CAMK4: variants seen among roughly 807,000 people sequenced by gnomAD.
CAMK4 encodes the protein calcium/calmodulin-dependent protein kinase type IV.
In CAMK4, 22 loss-of-function variants were observed where a neutral mutation model predicts 44.9. The ratio of observed to expected loss-of-function variants is 0.49; its 90% CI spans 0.35 to 0.70. The LOEUF is 0.70. CAMK4 is among the 30% of genes least tolerant of loss of function. The probability of loss-of-function intolerance (pLI) is 0.01; values close to 1 mark genes in which losing one functional copy is unlikely to be tolerated. For missense variants in CAMK4, 498 were observed against 586.8 expected (o/e 0.85, Z 1.56); for synonymous variants, 218 against 215.4 (o/e 1.01, Z -0.11).
At chr5:111,282,544 G>C (rs1314020220) in intron 1 of CAMK4, among the ~76,000 whole-genome samples, 1 of 151,904 alleles carries the variant, frequency 6.6e-6, no homozygotes, top group East Asian at 1.9e-4. Flanking sequence ...CCTCCTCCTG[G>C]ATCAAATTAA....
At position 111,486,448 on chromosome 5, in the gene CAMK4, A is replaced by G. The variant is rs942781740; in HGVS notation, c.*1982A>G. 1.1e-4 allele frequency: 16 copies of G among 151,506 alleles called. No homozygotes were observed. Among genetic ancestry groups the G allele is most frequent in the African/African-American group, 3.9e-4 (16 of 41,168 alleles). The allele number at this position is 151,506 out of a possible 1,614,324, so 9.4% of individuals were successfully genotyped here. A position where few individuals can be genotyped will look rare whatever the true frequency, so the allele number is the denominator to read the frequency against. On this transcript the variant is annotated 3_prime_UTR_variant, in exon 11 of 11. Transcript: ENST00000282356. ...AATGTCTTCTTTGTTAAGCATTAAG[A>G]TTTCCATTTAAGAGGATCAATTTCC... is the stretch of plus-strand genomic sequence containing the variant.
chr5:111,461,715 C>T (rs1016874625), intron 7 of CAMK4, among the ~76,000 whole-genome samples: 1 of 150,100 alleles, frequency 6.7e-6, no homozygotes. Flanking sequence ...TCCTCCTTCC[C>T]AGAGGCACAG....
intron 7 of CAMK4, among the ~76,000 whole-genome samples, chr5:111,472,538 A>G (rs536334174): frequency 6.6e-6 from 1 of 152,354 alleles, no homozygotes; most frequent in African/African-American, 2.4e-5. Flanking sequence ...GCCTGGATCC[A>G]GTTAATTACC....
intron 5 of CAMK4, among the ~76,000 whole-genome samples, chr5:111,419,225 G>C (rs75113588): frequency 0.35 from 52,354 of 151,626 alleles, 9,790 homozygotes; most frequent in Middle Eastern, 0.48. Flanking sequence ...GTGTCTTTTG[G>C]CTGCATAAAT....
chr5:111,445,183 T>C (rs1753981478), intron 5 of CAMK4, among the ~76,000 whole-genome samples: 1 of 152,180 alleles, frequency 6.6e-6, no homozygotes, highest in Non-Finnish European at 1.5e-5. Context: ...TTTTTAAAAA[T>C]TGAAAACAAC....
At chr5:111,280,245 A>G (rs1436493369) in intron 1 of CAMK4, among the ~76,000 whole-genome samples, 1 of 151,710 alleles carries the variant, frequency 6.6e-6, no homozygotes, top group Non-Finnish European at 1.5e-5. Flanking sequence ...GAAAAATATC[A>G]GGCTATAGTG....
chr5:111,330,399 A>T (rs951572533), intron 1 of CAMK4, among the ~76,000 whole-genome samples: 1 of 151,716 alleles, frequency 6.6e-6, no homozygotes, highest in African/African-American at 2.4e-5. Context: ...CAACATTAAG[A>T]TGTCAGTTCT....
At chr5:111,469,480 G>A (rs1432063412) in intron 7 of CAMK4, among the ~76,000 whole-genome samples, 5 of 151,992 alleles carry the variant, frequency 3.3e-5, no homozygotes, top group Non-Finnish European at 5.9e-5. Context: ...CCAGTGCTGC[G>A]ACAGATCAGA....
intron 5 of CAMK4, among the ~76,000 whole-genome samples, chr5:111,431,787 A>G (rs924828830): frequency 6.6e-6 from 1 of 152,236 alleles, no homozygotes; most frequent in African/African-American, 2.4e-5. Context: ...TCATCAGAGA[A>G]ATGCAAATCA....
At chr5:111,226,898 C>T (rs1748217537) in intron 1 of CAMK4, among the ~76,000 whole-genome samples, 1 of 152,190 alleles carries the variant, frequency 6.6e-6, no homozygotes, top group East Asian at 1.9e-4. Flanking sequence ...GTAAGTTAAG[C>T]CCATCCTATT....
At chr5:111,355,367 G>A (rs1283918748) in intron 2 of CAMK4, among the ~76,000 whole-genome samples, 1 of 152,030 alleles carries the variant, frequency 6.6e-6, no homozygotes, top group African/African-American at 2.4e-5. Context: ...TGATTTGTAT[G>A]CTTTACCATT....
intron 4 of CAMK4, among the ~76,000 whole-genome samples, chr5:111,386,334 T>G (rs1459844466): frequency 6.6e-6 from 1 of 152,240 alleles, no homozygotes. Context: ...TTTTACTCTC[T>G]GTCATTTGAT....
Position 111,332,932 on chromosome 5 carries a change from G to A in CAMK4, c.162-11092G>A, listed in dbSNP as rs529404801. Among the ~76,000 whole-genome samples, 7 of 151,748 alleles carry A rather than the reference G, an allele frequency of 4.6e-5. 1 individual carries two copies. The South Asian group carries it at 1.2e-3, about 27-fold the overall frequency. On this transcript the variant is annotated intron_variant, in intron 1 of 10. Transcript: ENST00000282356. ...CAAAGTCATACTGAACAAGTAAAAT[G>A]TGGTATATTCGTTGAGTGGCAGCAA...
At position 111,354,079 on chromosome 5, in the gene CAMK4, A is replaced by C. The variant is rs75817522; in HGVS notation, c.240+9977A>C. Reference sequence around the variant, plus strand: ...GCTTCTGTCTGTCAAAAGATGAATGAGAAAATGTGGTATGGATAACCTTAA... The same window carrying C: ...GCTTCTGTCTGTCAAAAGATGAATGCGAAAATGTGGTATGGATAACCTTAA... On this transcript the variant is annotated intron_variant, in intron 2 of 10. Coordinates refer to ENST00000282356, the MANE Select transcript of CAMK4 (RefSeq NM_001744.6). 1.4e-3 allele frequency among the ~76,000 whole-genome samples: 212 copies of C among 152,250 alleles called. 5 individuals carry two copies. In the East Asian group the frequency reaches 0.04, roughly 29 times the overall value.
intron 1 of CAMK4, among the ~76,000 whole-genome samples, chr5:111,225,107 G>A (rs1360859903): frequency 6.6e-6 from 1 of 152,200 alleles, no homozygotes; most frequent in East Asian, 1.9e-4. Context: ...CAAGTGACAC[G>A]AGAAATTAAA....
At chr5:111,251,401 GGTC>G (rs1749485330) in intron 1 of CAMK4, among the ~76,000 whole-genome samples, 1 of 152,106 alleles carries the variant, frequency 6.6e-6, no homozygotes, top group African/African-American at 2.4e-5. Context: ...TGTCCAGGTT[GGTC>G]TTAGAAATAT....
At chr5:111,284,077 G>T (rs1229557524) in intron 1 of CAMK4, among the ~76,000 whole-genome samples, 2 of 152,048 alleles carry the variant, frequency 1.3e-5, no homozygotes, top group African/African-American at 4.8e-5. Context: ...TAATAACAAG[G>T]TAACTGTGAG....
chr5:111,253,469 C>T (rs1215255636), intron 1 of CAMK4, among the ~76,000 whole-genome samples: 3 of 152,172 alleles, frequency 2.0e-5, no homozygotes, highest in African/African-American at 7.2e-5. Context: ...GTCATGTCAC[C>T]TGGGGAACTC....
chr5:111,441,272 A>T (rs543443091), intron 5 of CAMK4, among the ~76,000 whole-genome samples: 1 of 152,326 alleles, frequency 6.6e-6, no homozygotes, highest in South Asian at 2.1e-4. Flanking sequence ...TATAATATAT[A>T]TTAAAAATAT....
Sources: allele counts gnomAD v4.1 joint callset (sites outside exome capture counted in the v4.1 genomes callset), GRCh38; gene constraint gnomAD v4.1.1; transcripts MANE v1.5; gene names NCBI Gene and HGNC (gene_info 2026-07-23, HGNC 2026-07-21).